RIPOR3: variants seen among roughly 807,000 people sequenced by gnomAD.
The protein encoded by RIPOR3 is family with sequence similarity 65 member C.
A neutral mutation model predicts 114.3 loss-of-function variants in RIPOR3; 95 were observed. That is an observed-to-expected ratio of 0.83 (90% CI 0.70 to 0.99). The LOEUF (loss-of-function observed/expected upper bound fraction) is 0.99. RIPOR3 is among the 50% of genes least tolerant of loss of function. The probability of loss-of-function intolerance (pLI) is 0.00; values close to 1 mark genes in which losing one functional copy is unlikely to be tolerated. For missense variants in RIPOR3, 1,252 were observed against 1,266.9 expected, an observed-to-expected ratio of 0.99 and a Z score of 0.18; for synonymous variants, 575 against 543.8, an observed-to-expected ratio of 1.06 and a Z score of -0.80.
rs758726126 is a variant in RIPOR3 at position 50,594,588 on chromosome 20, C to T, written c.2177G>A (p.Arg726Lys). Residue 726 changes from arginine to lysine, a missense_variant, in exon 17 of 22, where the codon AGA (arginine) becomes AAA (lysine). Transcript: ENST00000327979. ...CTGTCCTGGGTACTTCCCTCTGACTCTGTGCTGGAAGGTTTTCTTGAGCTG... is the reference window on the plus strand; with the variant it reads ...CTGTCCTGGGTACTTCCCTCTGACTTTGTGCTGGAAGGTTTTCTTGAGCTG... The part of the protein sequence containing the change: ...LNQLKKTFQH[R>K]VRGKYPGQLE... The T allele has an allele frequency of 6.2e-7, 1 of 1,614,100 alleles. No individual in the cohort carries two copies. The highest frequency in any genetic ancestry group is 1.1e-5 in the South Asian group (1 of 91,072).
At chr20:50,607,660 G>A (rs1400563458) in intron 11 of RIPOR3, among the ~76,000 whole-genome samples, 1 of 152,072 alleles carries the variant, frequency 6.6e-6, no homozygotes, top group Non-Finnish European at 1.5e-5. Flanking sequence ...TACCAGACAG[G>A]TGAGGACCCC....
intron 9 of RIPOR3, 72 bp downstream of exon 9, chr20:50,608,840 G>C (rs1166959879): frequency 6.2e-7 from 1 of 1,610,286 alleles, no homozygotes; most frequent in Non-Finnish European, 8.5e-7. Flanking sequence ...TGCAACCCTG[G>C]TTCCCAGCAG....
chr20:50,670,687 AC>A (rs1252646345), intron 1 of RIPOR3, among the ~76,000 whole-genome samples: 22 of 152,236 alleles, frequency 1.4e-4, no homozygotes, highest in African/African-American at 5.3e-4. Context: ...CTCAGTAAAC[AC>A]CCATGAAGTG....
chr20:50,602,949 G>C lies in RIPOR3; in HGVS notation c.1087-305C>G, dbSNP rs1237892802. On this transcript the variant is annotated intron_variant, in intron 12 of 21. Coordinates refer to ENST00000327979, the MANE Select transcript of RIPOR3 (RefSeq NM_001290268.2). This position sits in a 1 kb window ranked among gnomAD's most constrained non-coding sequence, Gnocchi z 4.3. ...CTTTGCACTGACTGTGCTCTCGTCAGAACACTCTTCCCCATGTGCCTTCAT... is the reference window on the plus strand; with the variant it reads ...CTTTGCACTGACTGTGCTCTCGTCACAACACTCTTCCCCATGTGCCTTCAT... 6.6e-6 allele frequency among the ~76,000 whole-genome samples: 1 copy of C among 152,192 alleles called. No homozygotes were observed. The highest frequency in any genetic ancestry group is 2.4e-5 in the African/African-American group (1 of 41,446).
chr20:50,609,862 T>C, intron 6 of RIPOR3, 140 bp from the exon 7 acceptor site: 1 of 985,780 alleles, frequency 1.0e-6, no homozygotes, highest in Non-Finnish European at 1.4e-6. Context: ...AGTCACTACC[T>C]GTCCAGTCCC....
rs374184334 is a variant in RIPOR3 at position 50,626,537 on chromosome 20, G to T, written c.122+4201C>A. Among the ~76,000 whole-genome samples the T allele has an allele frequency of 7.2e-5, 11 of 152,348 alleles. No individual in the cohort carries two copies. In the East Asian group the frequency reaches 1.5e-3, roughly 21 times the overall value. Reference sequence around the variant, plus strand: ...GAATCCAGGAAGGGGCCAACGAGAGGCAGAGGCCTACCGTGGGGGCACTCT... The same window carrying T: ...GAATCCAGGAAGGGGCCAACGAGAGTCAGAGGCCTACCGTGGGGGCACTCT... On this transcript the variant is annotated intron_variant, in intron 2 of 21. Coordinates refer to ENST00000327979, the MANE Select transcript of RIPOR3 (RefSeq NM_001290268.2).
chr20:50,602,380 G>A lies in RIPOR3; in HGVS notation c.1351C>T (p.Leu451=), dbSNP rs1315475850. Residue 451 remains leucine, a synonymous_variant, in exon 13 of 22, where the codon CTG becomes TTG. Transcript: ENST00000327979. This position sits in a 1 kb window ranked among gnomAD's most constrained non-coding sequence, Gnocchi z 4.3. ...SIEEEAREDP[L]PPGLLPEMAH... Reference sequence around the variant, plus strand: ...ATCTCTGGCAGGAGACCTGGGGGCAGGGGGTCCTCCCGAGCCTCCTCTTCA... The same window carrying A: ...ATCTCTGGCAGGAGACCTGGGGGCAAGGGGTCCTCCCGAGCCTCCTCTTCA... 1 of 1,613,050 alleles carries A rather than the reference G, an allele frequency of 6.2e-7. No homozygotes were observed. Among genetic ancestry groups the A allele is most frequent in the African/African-American group, 1.3e-5 (1 of 75,070 alleles).
intron 2 of RIPOR3, among the ~76,000 whole-genome samples, chr20:50,624,759 C>G (rs539614086): frequency 6.6e-6 from 1 of 152,224 alleles, no homozygotes; most frequent in Admixed American, 6.5e-5. Flanking sequence ...TGCAACCTGC[C>G]GGCCCCAGCC....
chr20:50,610,928 A>T, intron 5 of RIPOR3, 22 bp from the exon 6 acceptor site: 1 of 1,614,136 alleles, frequency 6.2e-7, no homozygotes, highest in Non-Finnish European at 8.5e-7. Flanking sequence ...AAAAGGGAAG[A>T]TGTTTGCAAA....
At chr20:50,603,337 C>T (rs2083574687) in intron 12 of RIPOR3, among the ~76,000 whole-genome samples, 1 of 152,190 alleles carries the variant, frequency 6.6e-6, no homozygotes, top group African/African-American at 2.4e-5. Context: ...CTCCTGGGCT[C>T]AAGCAATTCT....
At chr20:50,622,578 C>T (rs896433078) in intron 2 of RIPOR3, among the ~76,000 whole-genome samples, 2 of 152,136 alleles carry the variant, frequency 1.3e-5, no homozygotes, top group African/African-American at 2.4e-5. Flanking sequence ...AGCTTCAACC[C>T]ACCCCTAAAA....
rs1305319257 is a variant in RIPOR3, at chr20:50,642,348, GT to G, written c.4-11493del. On this transcript the variant is annotated intron_variant, in intron 1 of 21. Coordinates refer to ENST00000327979, the MANE Select transcript of RIPOR3 (RefSeq NM_001290268.2). The stretch of plus-strand genomic sequence containing the variant: ...TAATCTTAAATTGTTCTCTGTGGGT[GT>G]GTGTGTGTGTGTGTGTGTGTGTGTG... 0.012 allele frequency among the ~76,000 whole-genome samples: 484 copies of G among 42,050 alleles called. 2 individuals are homozygous for G. The African/African-American group carries it at 0.2, about 17-fold the overall frequency. The allele number at this position is 42,050 out of a possible 152,430, so 27.6% of individuals were successfully genotyped here.
chr20:50,593,791 C>T (rs1008861028), intron 17 of RIPOR3, among the ~76,000 whole-genome samples: 3 of 152,146 alleles, frequency 2.0e-5, no homozygotes, highest in Non-Finnish European at 4.4e-5. Flanking sequence ...ACAAGCAGTC[C>T]AGGTGGTGCT....
intron 1 of RIPOR3, among the ~76,000 whole-genome samples, chr20:50,680,093 G>C (rs2086810603): frequency 6.6e-6 from 1 of 152,232 alleles, no homozygotes; most frequent in Non-Finnish European, 1.5e-5. Flanking sequence ...AACCCGGGAA[G>C]GAAGAGAAGC....
intron 1 of RIPOR3, among the ~76,000 whole-genome samples, chr20:50,638,708 T>G (rs2085082911): frequency 6.6e-6 from 1 of 151,168 alleles, no homozygotes; most frequent in Non-Finnish European, 1.5e-5. Flanking sequence ...AAAGATGGGG[T>G]AGCGGGAGGG....
At chr20:50,591,860 G>A (rs1314634046) in intron 19 of RIPOR3, among the ~76,000 whole-genome samples, 1 of 152,260 alleles carries the variant, frequency 6.6e-6, no homozygotes, top group African/African-American at 2.4e-5. Flanking sequence ...ACTTTGGGAA[G>A]CCAAGGCAGG....
At chr20:50,589,473 A>G (rs2083041608) in intron 20 of RIPOR3, among the ~76,000 whole-genome samples, 2 of 152,012 alleles carry the variant, frequency 1.3e-5, no homozygotes, top group African/African-American at 4.8e-5. Flanking sequence ...TGTGTGTATT[A>G]TTAGTAGAGA....
At chr20:50,634,117 G>A (rs1299326833) in intron 1 of RIPOR3, among the ~76,000 whole-genome samples, 2 of 151,672 alleles carry the variant, frequency 1.3e-5, no homozygotes, top group Admixed American at 1.3e-4. Context: ...ACGTGGCTGG[G>A]ACTACAGGCA....
intron 1 of RIPOR3, among the ~76,000 whole-genome samples, chr20:50,640,124 C>T (rs534585719): frequency 4.6e-5 from 7 of 152,298 alleles, no homozygotes; most frequent in East Asian, 3.9e-4. Flanking sequence ...TCCCCTCACA[C>T]GAACAGGTGT....
Sources: allele counts gnomAD v4.1 joint callset (sites outside exome capture counted in the v4.1 genomes callset), GRCh38; gene constraint gnomAD v4.1.1; non-coding constraint Gnocchi (gnomAD v3.1); transcripts MANE v1.5; gene names NCBI Gene and HGNC (gene_info 2026-07-23, HGNC 2026-07-21).